The following MARCHF10 variants were observed in gnomAD, a reference collection of about 807,000 sequenced individuals.
The protein encoded by MARCHF10 is probable E3 ubiquitin-protein ligase MARCHF10.
In MARCHF10, 64 loss-of-function variants were observed where a neutral mutation model predicts 76.2. The observed-to-expected ratio is 0.84, with a 90% CI of 0.69 to 1.03. The LOEUF is 1.03. Ranked by LOEUF, MARCHF10 falls within the 50% of genes least tolerant of loss-of-function variation. The probability of loss-of-function intolerance (pLI) is 0.00; values close to 1 mark genes in which losing one functional copy is unlikely to be tolerated. For missense variants in MARCHF10, 875 were observed against 958.0 expected (o/e 0.91, Z 1.14); for synonymous variants, 340 against 357.5 (o/e 0.95, Z 0.55).
At chr17:62,807,362 T>C (rs1442250150) in intron 1 of MARCHF10, among the ~76,000 whole-genome samples, 2 of 151,402 alleles carry the variant, frequency 1.3e-5, no homozygotes, top group Non-Finnish European at 2.9e-5. Context: ...GGCTTAAGAG[T>C]TGGGGGCGGG....
chr17:62,744,383 C>T lies in MARCHF10; in HGVS notation c.528G>A (p.Arg176=), dbSNP rs765538622. ...GGAGCCCCGGGTCCTTACCTGCTCC[C>T]CTGGGAACCGGCACCTTTGCAGGCC... ...QQWPAKVPVP[R]GADQVVQQEG... is the part of the protein sequence containing the mutation. The change falls in exon 5 of 11, where the codon AGG becomes AGA. Residue 176 remains arginine, a synonymous_variant. Coordinates refer to ENST00000311269, the MANE Select transcript of MARCHF10 (RefSeq NM_152598.4). 8 of 1,613,720 alleles carry T rather than the reference C, an allele frequency of 5.0e-6. No homozygotes were observed. The highest frequency in any genetic ancestry group is 5.9e-6 in the Non-Finnish European group (7 of 1,179,948).
chr17:62,725,004 C>T lies in MARCHF10; in HGVS notation c.2038G>A (p.Val680Met), dbSNP rs200892259. The T allele has an allele frequency of 1.9e-6, 3 of 1,611,564 alleles. No homozygotes were observed. The highest frequency in any genetic ancestry group is 2.2e-5 in the East Asian group (1 of 44,716). Reference sequence around the variant, plus strand: ...TGATGAACAAACTGCAGGCTTCCCACACAGCCGCAAGGCTCCAGGAGGGGG... The same window carrying T: ...TGATGAACAAACTGCAGGCTTCCCATACAGCCGCAAGGCTCCAGGAGGGGG... ...SNPLLEPCGC[V>M]GSLQFVHQEC... Residue 680 changes from valine to methionine, a missense_variant, in exon 7 of 11, where the codon GTG (valine) becomes ATG (methionine). Physicochemically the swap from Val to Met is conservative, Grantham distance 21. Coordinates refer to ENST00000311269, the MANE Select transcript of MARCHF10 (RefSeq NM_152598.4).
intron 4 of MARCHF10, among the ~76,000 whole-genome samples, chr17:62,754,015 G>A (rs113268459): frequency 1.3e-5 from 2 of 152,104 alleles, no homozygotes; most frequent in African/African-American, 4.8e-5. Flanking sequence ...CTGGATAAAC[G>A]GATGACTTCA....
chr17:62,736,983 G>A lies in MARCHF10; in HGVS notation c.885C>T (p.Thr295=), dbSNP rs2091297364. The A allele has an allele frequency of 6.2e-6, 10 of 1,614,042 alleles. No individual in the cohort carries two copies. The East Asian group carries it at 2.2e-4, about 36-fold the overall frequency. ...RRESDDTEEE[T]QSEECLWVGV... ...CAACCCACAGACATTCTTCAGACTG[G>A]GTTTCCTCTTCAGTGTCATCGCTTT... Residue 295 remains threonine (T), a synonymous_variant, in exon 6 of 11, where the codon ACC becomes ACT. Transcript: ENST00000311269.
In MARCHF10 at chr17:62,736,473, T is replaced by C; in HGVS notation, c.1395A>G (p.Ser465=). The change falls in exon 6 of 11, where the codon TCA becomes TCG. Residue 465 remains serine, a synonymous_variant. Transcript: ENST00000311269. ...CAGGAGGGTTATAGGATGAATTCAC[T>C]GATGATCTTGGAGATATTGGTCTGC... ...ISGRPISPRS[S]VNSSYNPPAS... is the part of the protein sequence containing the mutation. The C allele has an allele frequency of 7.4e-6, 12 of 1,614,224 alleles. No individual in the cohort carries two copies. Among genetic ancestry groups the C allele is most frequent in the Non-Finnish European group, 1.0e-5 (12 of 1,180,026 alleles).
At chr17:62,742,176 C>G (rs1049002080) in intron 5 of MARCHF10, among the ~76,000 whole-genome samples, 1 of 151,750 alleles carries the variant, frequency 6.6e-6, no homozygotes, top group South Asian at 2.1e-4. Flanking sequence ...TGTGCCACCA[C>G]GCCCAGCTAA....
chr17:62,788,641 G>T, intron 2 of MARCHF10, 42 bp from the exon 3 acceptor site: 1 of 1,610,704 alleles, frequency 6.2e-7, no homozygotes, highest in Non-Finnish European at 8.5e-7. Flanking sequence ...TAGGACCATG[G>T]CAAGCTTGGG....
intron 3 of MARCHF10, among the ~76,000 whole-genome samples, chr17:62,760,588 C>T (rs2092173345): frequency 6.6e-6 from 1 of 152,224 alleles, no homozygotes; most frequent in Non-Finnish European, 1.5e-5. Context: ...ATCATGATTC[C>T]TGCTGTGTCA....
chr17:62,786,881 A>G (rs1432211570), intron 3 of MARCHF10, among the ~76,000 whole-genome samples: 1 of 152,238 alleles, frequency 6.6e-6, no homozygotes, highest in Non-Finnish European at 1.5e-5. Context: ...AGAGGCACCC[A>G]GATGCCCACT....
intron 8 of MARCHF10, among the ~76,000 whole-genome samples, chr17:62,716,552 G>A (rs1251731170): frequency 6.6e-6 from 1 of 152,078 alleles, no homozygotes; most frequent in Admixed American, 6.5e-5. Context: ...CCATCCCAGA[G>A]CTGGGGTTAG....
rs2091271873 is a variant in MARCHF10 at position 62,736,535 on chromosome 17, TTAAA to T, written c.1329_1332del (p.Tyr443Ter). Reference sequence around the variant, plus strand: ...TAGTCAAGAGAATTTTGAGAACTGTTTAAATAGTCTTTCCAGTATCCTTCAGAAT... The same window carrying T: ...TAGTCAAGAGAATTTTGAGAACTGTTTAGTCTTTCCAGTATCCTTCAGAAT... On this transcript the variant is annotated frameshift_variant, in exon 6 of 11. Coordinates refer to ENST00000311269, the MANE Select transcript of MARCHF10 (RefSeq NM_152598.4). LOFTEE classifies it high-confidence loss of function. The T allele has an allele frequency of 1.2e-6, 2 of 1,614,086 alleles. No individual in the cohort carries two copies. The highest frequency in any genetic ancestry group is 8.5e-7 in the Non-Finnish European group (1 of 1,180,040).
chr17:62,734,249 C>T (rs1181054116), intron 6 of MARCHF10, among the ~76,000 whole-genome samples: 1 of 151,806 alleles, frequency 6.6e-6, no homozygotes, highest in African/African-American at 2.4e-5. Context: ...CAAAACACAA[C>T]ACAACGAAAT....
intron 4 of MARCHF10, among the ~76,000 whole-genome samples, chr17:62,749,592 C>A: frequency 6.6e-6 from 1 of 152,102 alleles, no homozygotes; most frequent in South Asian, 2.1e-4. Context: ...TTTGAGTGTG[C>A]GAGAAATGTG....
intron 2 of MARCHF10, among the ~76,000 whole-genome samples, chr17:62,795,517 C>T (rs1275944892): frequency 6.6e-6 from 1 of 152,150 alleles, no homozygotes; most frequent in African/African-American, 2.4e-5. Flanking sequence ...CTTGTTTTCT[C>T]AAAAGGGTCC....
At position 62,806,421 on chromosome 17, in the gene MARCHF10, A is replaced by G. The variant is rs143269151; in HGVS notation, c.-18+1656T>C. 313 of 152,340 alleles carry G rather than the reference A, an allele frequency of 2.1e-3. 1 individual carries two copies. Among genetic ancestry groups the G allele is most frequent in the African/African-American group, 7.2e-3 (301 of 41,576 alleles). The allele number at this position is 152,340 out of a possible 1,614,324, so 9.4% of individuals were successfully genotyped here. On this transcript the variant is annotated intron_variant, in intron 1 of 10. Transcript: ENST00000311269. ...AAAATAGCACTCTGTATTCTCTTCT[A>G]TCGCTCACCTTTGAACTGCTTCTTA...
chr17:62,746,868 C>T (rs1240931882), intron 4 of MARCHF10: 9 of 1,534,956 alleles, frequency 5.9e-6, no homozygotes, highest in South Asian at 1.2e-5. Context: ...CATTCACCTT[C>T]ACAGGGAGGG....
At chr17:62,710,780 C>T (rs1429962496) in intron 9 of MARCHF10, among the ~76,000 whole-genome samples, 5 of 152,082 alleles carry the variant, frequency 3.3e-5, no homozygotes, top group African/African-American at 1.2e-4. Flanking sequence ...AGGTTGGCCT[C>T]AAATTCCTGA....
intron 3 of MARCHF10, among the ~76,000 whole-genome samples, chr17:62,782,354 T>G (rs1326015720): frequency 1.4e-5 from 2 of 147,456 alleles, no homozygotes; most frequent in Non-Finnish European, 3.0e-5. Flanking sequence ...TCTTTTTTTT[T>G]TTTTTTTTTT....
At chr17:62,804,602 G>A (rs2093133564) in intron 1 of MARCHF10, among the ~76,000 whole-genome samples, 1 of 152,134 alleles carries the variant, frequency 6.6e-6, no homozygotes, top group African/African-American at 2.4e-5. Flanking sequence ...AGAAGGTTGC[G>A]TAAATGGGAG....
Sources: gnomAD v4.1 joint callset for allele counts (sites outside exome capture counted in the v4.1 genomes callset) on GRCh38, gnomAD v4.1.1 for gene constraint, MANE v1.5 for transcripts, NCBI Gene and HGNC (gene_info 2026-07-23, HGNC 2026-07-21) for gene names.